SPAG16: variants seen among roughly 807,000 people sequenced by gnomAD.
The protein encoded by SPAG16 is sperm-associated antigen 16 protein.
In SPAG16, 86 loss-of-function variants were observed where a neutral mutation model predicts 80.4. The ratio of observed to expected loss-of-function variants is 1.07; its 90% CI spans 0.90 to 1.28. The LOEUF (loss-of-function observed/expected upper bound fraction) is 1.28, where lower values mean the gene tolerates loss of function less well. SPAG16 is among the 50% of genes most tolerant of loss of function. SPAG16 has a pLI of 0.00. For synonymous variants in SPAG16, 294 were observed against 265.9 expected (o/e 1.11, Z -1.03); for missense variants, 870 against 765.3 (o/e 1.14, Z -1.61).
At chr2:214,380,828 C>T (rs1366814859) in intron 15 of SPAG16, among the ~76,000 whole-genome samples, 2 of 152,160 alleles carry the variant, frequency 1.3e-5, no homozygotes, top group African/African-American at 4.8e-5. Flanking sequence ...ACATTTTCCA[C>T]GATGTGAAGT....
intron 4 of SPAG16, among the ~76,000 whole-genome samples, chr2:213,310,420 C>T (rs1362530484): frequency 6.6e-6 from 1 of 150,942 alleles, no homozygotes; most frequent in Non-Finnish European, 1.5e-5. Context: ...ACATCTTTCC[C>T]AAATATTTAA....
intron 9 of SPAG16, among the ~76,000 whole-genome samples, chr2:213,406,835 C>T (rs1173799424): frequency 1.3e-5 from 2 of 151,580 alleles, no homozygotes; most frequent in Admixed American, 6.6e-5. Flanking sequence ...TCTCCTCTCT[C>T]GTGAGGAGGC....
chr2:214,066,981 G>A (rs2050560750), intron 13 of SPAG16, among the ~76,000 whole-genome samples: 1 of 152,160 alleles, frequency 6.6e-6, no homozygotes, highest in Non-Finnish European at 1.5e-5. Context: ...CCTTCACCCA[G>A]TATGCTCTCT....
chr2:213,574,687 A>G (rs1576033004), intron 10 of SPAG16, among the ~76,000 whole-genome samples: 1 of 148,214 alleles, frequency 6.7e-6, no homozygotes, highest in Non-Finnish European at 1.5e-5. Context: ...GATATATGAT[A>G]TATATATGAT....
intron 13 of SPAG16, among the ~76,000 whole-genome samples, chr2:214,032,014 T>TC (rs2048439973): frequency 6.6e-6 from 1 of 152,194 alleles, no homozygotes; most frequent in South Asian, 2.1e-4. Context: ...ATGTCAGTCT[T>TC]CAATAAGTCC....
At chr2:214,218,445 T>C (rs1416577201) in intron 15 of SPAG16, among the ~76,000 whole-genome samples, 5 of 152,156 alleles carry the variant, frequency 3.3e-5, no homozygotes, top group African/African-American at 9.7e-5. Flanking sequence ...CTGAGACTTA[T>C]GTTTTGCCTC....
chr2:214,132,132 G>T (rs995432715), intron 14 of SPAG16, among the ~76,000 whole-genome samples: 4 of 152,172 alleles, frequency 2.6e-5, no homozygotes, highest in African/African-American at 9.7e-5. Context: ...AAAATAATCA[G>T]TGGGTATATC....
chr2:214,077,779 C>T (rs1309916921), intron 13 of SPAG16, among the ~76,000 whole-genome samples: 1 of 152,184 alleles, frequency 6.6e-6, no homozygotes, highest in Admixed American at 6.5e-5. Flanking sequence ...AACTGAATCC[C>T]ATTCCTTCTT....
chr2:214,254,513 C>T (rs746144031), intron 15 of SPAG16, among the ~76,000 whole-genome samples: 10 of 151,884 alleles, frequency 6.6e-5, no homozygotes, highest in Non-Finnish European at 1.3e-4. Context: ...TGAATTTAGG[C>T]GGGCTGTATA....
chr2:214,291,157 T>G (rs1693761486), intron 15 of SPAG16, among the ~76,000 whole-genome samples: 1 of 152,152 alleles, frequency 6.6e-6, no homozygotes, highest in African/African-American at 2.4e-5. Flanking sequence ...ATTGATTTTA[T>G]GTGACATAAG....
chr2:213,833,480 T>TA (rs1559505900), intron 10 of SPAG16, among the ~76,000 whole-genome samples: 3 of 2,812 alleles, frequency 1.1e-3, no homozygotes, highest in Non-Finnish European at 1.9e-3. Context: ...TATAATAATA[T>TA]ATATATTATA....
intron 4 of SPAG16, 63 bp downstream of exon 4, chr2:213,310,240 A>C: frequency 8.4e-7 from 1 of 1,185,818 alleles, no homozygotes; most frequent in Non-Finnish European, 1.2e-6. Flanking sequence ...TACACTTTTA[A>C]GTGTCTTAGG....
intron 10 of SPAG16, among the ~76,000 whole-genome samples, chr2:213,652,694 A>G (rs2063067176): frequency 6.6e-6 from 1 of 152,012 alleles, no homozygotes; most frequent in African/African-American, 2.4e-5. Context: ...TGTCTTTTGT[A>G]TTATTATGAA....
intron 9 of SPAG16, among the ~76,000 whole-genome samples, chr2:213,439,749 T>C (rs985211553): frequency 1.3e-5 from 2 of 152,202 alleles, no homozygotes; most frequent in South Asian, 2.1e-4. Context: ...AATTATGACA[T>C]TGGTTAAAGA....
intron 10 of SPAG16, among the ~76,000 whole-genome samples, chr2:213,669,630 A>G (rs1019968291): frequency 2.0e-5 from 3 of 152,226 alleles, no homozygotes; most frequent in African/African-American, 7.2e-5. Context: ...ATGGTAAAAT[A>G]GGACAGTATG....
intron 15 of SPAG16, among the ~76,000 whole-genome samples, chr2:214,353,179 G>T (rs1262644964): frequency 2.6e-5 from 4 of 151,946 alleles, no homozygotes; most frequent in East Asian, 1.9e-4. Flanking sequence ...ACAAAAATCT[G>T]TGGAAAAAAT....
chr2:213,692,681 G>T (rs1305929265), intron 10 of SPAG16, among the ~76,000 whole-genome samples: 1 of 151,952 alleles, frequency 6.6e-6, no homozygotes, highest in Non-Finnish European at 1.5e-5. Context: ...ATGGTGGCGG[G>T]TGCCTGTAGT....
intron 10 of SPAG16, among the ~76,000 whole-genome samples, chr2:213,491,574 G>A (rs996075642): frequency 2.0e-5 from 3 of 152,312 alleles, no homozygotes; most frequent in Non-Finnish European, 4.4e-5. Context: ...AGTGGCCAAT[G>A]CTGGTCTACT....
intron 12 of SPAG16, among the ~76,000 whole-genome samples, chr2:214,000,416 T>C (rs2124870216): frequency 6.6e-6 from 1 of 152,300 alleles, no homozygotes; most frequent in Non-Finnish European, 1.5e-5. Flanking sequence ...ATGAAACCTC[T>C]TTTTCTTCAC....
Sources: gnomAD v4.1 joint callset for allele counts (sites outside exome capture counted in the v4.1 genomes callset) on GRCh38, gnomAD v4.1.1 for gene constraint, MANE v1.5 for transcripts, NCBI Gene and HGNC (gene_info 2026-07-23, HGNC 2026-07-21) for gene names.